The following IL1RAPL1 variants were observed in gnomAD, a reference collection of about 807,000 sequenced individuals.
IL1RAPL1 encodes the protein interleukin-1 receptor accessory protein-like 1.
Under a neutral mutation model 48.4 loss-of-function variants are expected in IL1RAPL1, and 3 were observed. The observed-to-expected ratio is 0.06, with a 90% CI of 0.03 to 0.16. IL1RAPL1 has a LOEUF of 0.16. Among genes scored for constraint, IL1RAPL1 ranks in the 10% least tolerant of loss-of-function variants. The pLI is 1.00. For missense variants in IL1RAPL1, 349 were observed against 530.6 expected (o/e 0.66, Z 3.36); for synonymous variants, 185 against 187.7 (o/e 0.99, Z 0.12).
At chrX:29,914,517 C>CT (rs1377214577) in intron 6 of IL1RAPL1, among the ~76,000 whole-genome samples, 1 of 111,254 alleles carries the variant, frequency 9.0e-6, no homozygotes, top group Non-Finnish European at 1.9e-5. Flanking sequence ...CACCTAAAAA[C>CT]TTAAACTTGG....
At chrX:29,873,383 C>T (rs770659406) in intron 6 of IL1RAPL1, among the ~76,000 whole-genome samples, 2 of 105,698 alleles carry the variant, frequency 1.9e-5, no homozygotes, top group Non-Finnish European at 3.9e-5. Context: ...TTTGTGCCCC[C>T]CCCCCAATTA....
At chrX:28,835,698 G>T (rs767538127) in intron 2 of IL1RAPL1, among the ~76,000 whole-genome samples, 1 of 111,216 alleles carries the variant, frequency 9.0e-6, no homozygotes, top group Non-Finnish European at 1.9e-5. Flanking sequence ...CGCCATTTTT[G>T]TAGGTTAAAA....
At chrX:28,784,940 T>C (rs1441992577) in intron 1 of IL1RAPL1, among the ~76,000 whole-genome samples, 1 of 111,904 alleles carries the variant, frequency 8.9e-6, no homozygotes, top group Non-Finnish European at 1.9e-5. Flanking sequence ...TTCTCTACCC[T>C]GAATTGTGGA....
chrX:29,057,760 T>G (rs73454752), intron 2 of IL1RAPL1, among the ~76,000 whole-genome samples: 113 of 111,742 alleles, frequency 1.0e-3, no homozygotes, highest in African/African-American at 3.7e-3. Flanking sequence ...TGATTCACAT[T>G]TATTAAATAG....
chrX:29,908,830 T>C (rs1024062995), intron 6 of IL1RAPL1, among the ~76,000 whole-genome samples: 4 of 112,131 alleles, frequency 3.6e-5, no homozygotes, highest in Non-Finnish European at 7.5e-5. Context: ...CTTCAAACAA[T>C]GTTTTTATTG....
chrX:29,747,619 C>T (rs929769485), intron 6 of IL1RAPL1, among the ~76,000 whole-genome samples: 2 of 111,821 alleles, frequency 1.8e-5, no homozygotes, highest in East Asian at 5.6e-4. Context: ...CCATCTGTCC[C>T]GGGGTCTAGG....
chrX:29,104,602 T>C (rs949194575), intron 2 of IL1RAPL1, among the ~76,000 whole-genome samples: 1 of 111,227 alleles, frequency 9.0e-6, no homozygotes, highest in South Asian at 3.8e-4. Context: ...ATTGTACATT[T>C]AAAAATAACT....
chrX:29,441,789 AT>A, intron 5 of IL1RAPL1, among the ~76,000 whole-genome samples: 1 of 111,987 alleles, frequency 8.9e-6, no homozygotes, highest in Non-Finnish European at 1.9e-5. Flanking sequence ...GTATGATTTC[AT>A]TTGGGAAATA....
In IL1RAPL1 at chrX:29,728,701, C is replaced by T. The variant is rs754389302; in HGVS notation, c.778+60197C>T. ...CAGAGTCACTCTTCTATTATAGTTACGCACTATTGCATAATAAACATCCCG... is the reference window on the plus strand; with the variant it reads ...CAGAGTCACTCTTCTATTATAGTTATGCACTATTGCATAATAAACATCCCG... On this transcript the variant is annotated intron_variant, in intron 6 of 10. Coordinates refer to ENST00000378993, the MANE Select transcript of IL1RAPL1 (RefSeq NM_014271.4). Among the ~76,000 whole-genome samples, 7 of 112,211 alleles carry T rather than the reference C, an allele frequency of 6.2e-5. No individual in the cohort carries two copies. In the South Asian group the frequency reaches 1.1e-3, roughly 18 times the overall value.
At chrX:29,735,313 A>G (rs1601800935) in intron 6 of IL1RAPL1, among the ~76,000 whole-genome samples, 1 of 111,155 alleles carries the variant, frequency 9.0e-6, no homozygotes, top group African/African-American at 3.3e-5. Flanking sequence ...TCTTACATGG[A>G]CCTCTACAAC....
chrX:29,420,603 C>T (rs1346797670), intron 5 of IL1RAPL1, among the ~76,000 whole-genome samples: 1 of 112,319 alleles, frequency 8.9e-6, no homozygotes, highest in African/African-American at 3.2e-5. Context: ...TATATTCCTA[C>T]TCTTTCACAC....
At chrX:28,648,019 T>C (rs1271456798) in intron 1 of IL1RAPL1, among the ~76,000 whole-genome samples, 1 of 111,728 alleles carries the variant, frequency 9.0e-6, no homozygotes, top group African/African-American at 3.3e-5. Context: ...GGCTGTCCCT[T>C]GTCTCCTCAC....
At chrX:29,238,225 C>T (rs1602128705) in intron 2 of IL1RAPL1, among the ~76,000 whole-genome samples, 1 of 111,721 alleles carries the variant, frequency 9.0e-6, no homozygotes, top group South Asian at 3.8e-4. Flanking sequence ...CCTTTCTTTC[C>T]TCTCTGTTAA....
intron 2 of IL1RAPL1, among the ~76,000 whole-genome samples, chrX:29,054,245 A>G (rs1927162198): frequency 9.0e-6 from 1 of 110,834 alleles, no homozygotes; most frequent in Non-Finnish European, 1.9e-5. Flanking sequence ...TCAATATACT[A>G]TTGTTCTCCT....
chrX:29,363,324 A>G (rs890912395), intron 3 of IL1RAPL1, among the ~76,000 whole-genome samples: 5 of 111,733 alleles, frequency 4.5e-5, no homozygotes, highest in African/African-American at 1.6e-4. Flanking sequence ...TAAAAATTCT[A>G]TACCCATTGT....
rs1007043135 is a variant in IL1RAPL1 at position 28,700,125 on chromosome X, T to G, written c.-24-89195T>G. ...ATTTTGAAAAGTTAAAAGTATTATT[T>G]AAGGGAACATACGTAGAAGAAATTC... On this transcript the variant is annotated intron_variant, in intron 1 of 10. Coordinates refer to ENST00000378993, the MANE Select transcript of IL1RAPL1 (RefSeq NM_014271.4). Among the ~76,000 whole-genome samples the G allele has an allele frequency of 5.4e-5, 6 of 111,466 alleles. No individual in the cohort carries two copies. The Admixed American group carries it at 5.8e-4, about 11-fold the overall frequency.
chrX:28,956,146 T>G (rs937238902), intron 2 of IL1RAPL1, among the ~76,000 whole-genome samples: 1 of 108,205 alleles, frequency 9.2e-6, no homozygotes. Context: ...GCTTATCAGC[T>G]TAAGGAGATT....
intron 5 of IL1RAPL1, among the ~76,000 whole-genome samples, chrX:29,477,057 T>C (rs1196078197): frequency 2.8e-5 from 3 of 107,666 alleles, no homozygotes; most frequent in Non-Finnish European, 5.7e-5. Flanking sequence ...ATTTTTTGTA[T>C]TTTTAGTAGA....
At chrX:29,414,538 G>C (rs1934189910) in intron 5 of IL1RAPL1, among the ~76,000 whole-genome samples, 1 of 110,658 alleles carries the variant, frequency 9.0e-6, no homozygotes, top group African/African-American at 3.3e-5. Flanking sequence ...GGGCAACATG[G>C]GGAAACCCTA....
Sources: allele counts gnomAD v4.1 joint callset (sites outside exome capture counted in the v4.1 genomes callset), GRCh38; gene constraint gnomAD v4.1.1; transcripts MANE v1.5; gene names NCBI Gene and HGNC (gene_info 2026-07-23, HGNC 2026-07-21).